The following ATG16L2 variants were observed in gnomAD, a reference collection of about 807,000 sequenced individuals.
ATG16L2 encodes autophagy related 16 like 2.
ATG16L2 carries 77 observed loss-of-function variants against 84.7 expected under a neutral mutation model. The ratio of observed to expected loss-of-function variants is 0.91; its 90% CI spans 0.76 to 1.10. ATG16L2 has a LOEUF of 1.10. ATG16L2 is among the 50% of genes least tolerant of loss of function. The pLI, the probability that ATG16L2 is intolerant of heterozygous loss-of-function variation, is 0.00. For synonymous variants in ATG16L2, 361 were observed against 342.8 expected, an observed-to-expected ratio of 1.05 and a Z score of -0.59; for missense variants, 782 against 817.6, an observed-to-expected ratio of 0.96 and a Z score of 0.53.
chr11:72,841,689 G>T, intron 5 of ATG16L2: 1 of 1,231,036 alleles, frequency 8.1e-7, no homozygotes, highest in Non-Finnish European at 1.1e-6. Flanking sequence ...AAGCTAAGCT[G>T]ATTGTTGAAA....
rs1202895402 is a variant in ATG16L2, at chr11:72,826,209, G to C, written c.1139G>C (p.Gly380Ala). 5 of 1,614,000 alleles carry C rather than the reference G, an allele frequency of 3.1e-6. No homozygotes were observed. Among genetic ancestry groups the C allele is most frequent in the Non-Finnish European group, 4.2e-6 (5 of 1,179,950 alleles). Reference protein sequence around the residue: ...LEANQTLEGAGGSITSVDFDP... With the variant: ...LEANQTLEGAAGSITSVDFDP... The stretch of plus-strand genomic sequence containing the variant: ...GCCAACCAGACCCTGGAGGGAGCTG[G>C]TGGCAGCATCACCAGTGTGGACTTT... The change falls in exon 11 of 18, where the codon GGT becomes GCT. Residue 380 changes from glycine to alanine, a missense_variant. Transcript: ENST00000321297.
At position 72,829,480 on chromosome 11, in the gene ATG16L2, C is replaced by A; in HGVS notation, c.*90C>A. 2.7e-6 allele frequency: 4 copies of A among 1,505,264 alleles called. No individual in the cohort carries two copies. The highest frequency in any genetic ancestry group is 1.3e-5 in the South Asian group (1 of 79,774). The allele number at this position is 1,505,264 out of a possible 1,614,324, so 93.2% of individuals were successfully genotyped here. On this transcript the variant is annotated 3_prime_UTR_variant, in exon 18 of 18. Transcript: ENST00000321297. Reference sequence around the variant, plus strand: ...GCAGGGGTTGGGGTTGGGACTGGAGCTGGCCTTGGGATTTAATGGGGAAGA... The same window carrying A: ...GCAGGGGTTGGGGTTGGGACTGGAGATGGCCTTGGGATTTAATGGGGAAGA...
At chr11:72,843,324 C>A in exon 6 of ATG16L2, 1 of 1,613,254 alleles carries the variant, frequency 6.2e-7, no homozygotes, top group South Asian at 1.1e-5. Context: ...AACTTTATTT[C>A]GAGCCTGGGT....
downstream of ATG16L2, among the ~76,000 whole-genome samples, chr11:72,830,466 T>C (rs1224319237): frequency 1.3e-5 from 2 of 152,134 alleles, no homozygotes; most frequent in African/African-American, 2.4e-5. Context: ...TCCTTTCCCT[T>C]ACTATGGCCA....
chr11:72,826,384 G>A (rs1860357368), intron 11 of ATG16L2, 134 bp from the exon 12 acceptor site: 17 of 1,425,262 alleles, frequency 1.2e-5, no homozygotes, highest in Non-Finnish European at 1.6e-5. Flanking sequence ...CCTCCTCCTT[G>A]GGCCGGAGGC....
chr11:72,831,099 T>G (rs1458767236), downstream of ATG16L2, among the ~76,000 whole-genome samples: 2 of 152,238 alleles, frequency 1.3e-5, no homozygotes, highest in Non-Finnish European at 2.9e-5. Context: ...TGTATCTGCC[T>G]CCTCCATTTT....
chr11:72,824,707 T>C, intron 8 of ATG16L2, 27 bp from the exon 9 acceptor site: 2 of 1,589,020 alleles, frequency 1.3e-6, no homozygotes. Flanking sequence ...CTGAATGCCC[T>C]CCTGACCCCA....
intron 14 of ATG16L2, 23 bp downstream of exon 14, chr11:72,827,316 G>A: frequency 1.3e-6 from 2 of 1,589,860 alleles, no homozygotes; most frequent in South Asian, 1.1e-5. Context: ...GGCTGGGGGA[G>A]GACTTGGGGA....
intron 14 of ATG16L2, among the ~76,000 whole-genome samples, chr11:72,827,664 C>T (rs1299679100): frequency 6.6e-6 from 1 of 152,322 alleles, no homozygotes; most frequent in East Asian, 1.9e-4. Flanking sequence ...AGAGGCCAGG[C>T]GTGGTGGCTC....
At chr11:72,841,766 C>A (rs1288206624) in intron 5 of ATG16L2, among the ~76,000 whole-genome samples, 1 of 152,188 alleles carries the variant, frequency 6.6e-6, no homozygotes. Flanking sequence ...TTGCATTGCA[C>A]TTCACTTTTT....
At chr11:72,840,851 A>T (rs1227288186) in intron 5 of ATG16L2, 1 of 1,532,312 alleles carries the variant, frequency 6.5e-7, no homozygotes, top group Non-Finnish European at 9.0e-7. Flanking sequence ...TATGCATTCG[A>T]TAATCCTGCA....
Position 72,822,980 on chromosome 11 carries a change from G to C in ATG16L2, c.824+19G>C, listed in dbSNP as rs901519707. 2.5e-5 allele frequency: 38 copies of C among 1,525,352 alleles called. No individual in the cohort carries two copies. The highest frequency in any genetic ancestry group is 3.4e-5 in the Non-Finnish European group (38 of 1,124,234). 94.5% of individuals were successfully genotyped at this position (1,525,352 alleles called of 1,614,324 possible). A position where few individuals can be genotyped will look rare whatever the true frequency, so the allele number is the denominator to read the frequency against. On this transcript the variant is annotated intron_variant, in intron 7 of 17. Coordinates refer to ENST00000321297, the MANE Select transcript of ATG16L2 (RefSeq NM_033388.2). The surrounding 1 kb of genome is among the most constrained non-coding windows in gnomAD (Gnocchi z 4.2). ...CCTTCAGGTGAGGACCCAGGTGACAGTCTCAGAGCTCTGAGCTGAGCCCCA... is the reference window on the plus strand; with the variant it reads ...CCTTCAGGTGAGGACCCAGGTGACACTCTCAGAGCTCTGAGCTGAGCCCCA...
At chr11:72,843,693 G>A (rs1591332373), downstream of ATG16L2, 1 of 603,104 alleles carries the variant, frequency 1.7e-6, no homozygotes, top group Non-Finnish European at 2.9e-6. Flanking sequence ...ATGAGGTGAA[G>A]TTTTACTTTA....
At chr11:72,826,415 C>G in intron 11 of ATG16L2, 103 bp from the exon 12 acceptor site, 1 of 1,510,434 alleles carries the variant, frequency 6.6e-7, no homozygotes, top group South Asian at 1.2e-5. Context: ...GCCTTGGTGA[C>G]CTGGGCCGTG....
In ATG16L2 at chr11:72,817,954, A is replaced by G. The variant is rs185941148; in HGVS notation, c.318+99A>G. On this transcript the variant is annotated intron_variant, in intron 3 of 17. Coordinates refer to ENST00000321297, the MANE Select transcript of ATG16L2 (RefSeq NM_033388.2). ...TGTGTTTGCTGAATTCTCCAAGCCCAGTGCTGCAAGCATTGAGTGAGCCCT... is the reference window on the plus strand; with the variant it reads ...TGTGTTTGCTGAATTCTCCAAGCCCGGTGCTGCAAGCATTGAGTGAGCCCT... 6.4e-3 allele frequency: 7,048 copies of G among 1,100,120 alleles called. 41 individuals are homozygous for G. Among genetic ancestry groups the G allele is most frequent in the Non-Finnish European group, 8.2e-3 (6,312 of 769,476 alleles). The allele number at this position is 1,100,120 out of a possible 1,614,324, so 68.1% of individuals were successfully genotyped here.
chr11:72,822,749 C>G lies in ATG16L2; in HGVS notation c.711-99C>G. 9.2e-7 allele frequency: 1 copy of G among 1,084,248 alleles called. No individual in the cohort carries two copies. The highest frequency in any genetic ancestry group is 1.5e-5 in the South Asian group (1 of 65,496). The allele number at this position is 1,084,248 out of a possible 1,614,324, so 67.2% of individuals were successfully genotyped here. ...TGCACGTGTACACCCACACAGAACCCTCATCACTGGGAATTCCTGTCTTCA... is the reference window on the plus strand; with the variant it reads ...TGCACGTGTACACCCACACAGAACCGTCATCACTGGGAATTCCTGTCTTCA... On this transcript the variant is annotated intron_variant, in intron 6 of 17. Transcript: ENST00000321297. This position sits in a 1 kb window ranked among gnomAD's most constrained non-coding sequence, Gnocchi z 4.2.
intron 5 of ATG16L2, chr11:72,841,547 G>A: frequency 9.9e-6 from 16 of 1,610,822 alleles, no homozygotes; most frequent in Non-Finnish European, 1.3e-5. Context: ...AACGGCAGTG[G>A]AGGCAGGGAG....
intron 7 of ATG16L2, chr11:72,823,674 C>T (rs897338937): frequency 2.2e-6 from 1 of 461,034 alleles, no homozygotes; most frequent in African/African-American, 2.0e-5. Context: ...ACACCCTCTC[C>T]TGGGCATTGC....
intron 5 of ATG16L2, among the ~76,000 whole-genome samples, chr11:72,834,727 T>A (rs1465169486): frequency 6.6e-6 from 1 of 151,978 alleles, no homozygotes; most frequent in East Asian, 1.9e-4. Flanking sequence ...GGATTACAGG[T>A]ACCCACCACC....
Sources: gnomAD v4.1 joint callset for allele counts (sites outside exome capture counted in the v4.1 genomes callset) on GRCh38, gnomAD v4.1.1 for gene constraint, Gnocchi (gnomAD v3.1) non-coding constraint, MANE v1.5 for transcripts, NCBI Gene and HGNC (gene_info 2026-07-23, HGNC 2026-07-21) for gene names.